ZNF664: variants seen among roughly 807,000 people sequenced by gnomAD.
The protein encoded by ZNF664 is zinc finger protein 664, also known as zinc finger Organ of Corti 1.
ZNF664 carries 10 observed loss-of-function variants against 18.2 expected under a neutral mutation model. The observed-to-expected ratio is 0.55, with a 90% confidence interval of 0.34 to 0.93. The LOEUF is 0.93. Ranked by LOEUF, ZNF664 falls within the 40% of genes least tolerant of loss-of-function variation. The pLI is 0.02. For synonymous variants in ZNF664, 119 were observed against 104.2 expected, an observed-to-expected ratio of 1.14 and a Z score of -0.86; for missense variants, 193 against 319.0, an observed-to-expected ratio of 0.61 and a Z score of 3.01.
chr12:123,992,598 A>G (rs550885435), intron 3 of ZNF664, among the ~76,000 whole-genome samples: 2 of 152,202 alleles, frequency 1.3e-5, no homozygotes, highest in Non-Finnish European at 2.9e-5. Flanking sequence ...GCTGGCTGCT[A>G]CTTGAGCCAC....
At chr12:123,975,516 C>G (rs924605370) in intron 2 of ZNF664, among the ~76,000 whole-genome samples, 1 of 151,924 alleles carries the variant, frequency 6.6e-6, no homozygotes, top group Non-Finnish European at 1.5e-5. Flanking sequence ...CCTGGGACTC[C>G]TGGGCTCAAG....
At position 124,012,970 on chromosome 12, in the gene ZNF664, T is replaced by C; in HGVS notation, c.*40T>C. 1 of 1,591,822 alleles carries C rather than the reference T, an allele frequency of 6.3e-7. No individual in the cohort carries two copies. On this transcript the variant is annotated 3_prime_UTR_variant, in exon 5 of 5. Transcript: ENST00000337815. ...AGTTTAAAATCTTAAAACCCATAAG[T>C]GCCACTAGGAAGGAAACCCTGTATA...
chr12:124,011,231 T>C (rs561485427), intron 3 of ZNF664, 150 bp from the exon 4 acceptor site: 8 of 933,198 alleles, frequency 8.6e-6, no homozygotes, highest in Non-Finnish European at 1.0e-5. Flanking sequence ...CTGGTTTTCA[T>C]ACTCACATGT....
intron 3 of ZNF664, 101 bp downstream of exon 3, chr12:123,988,239 T>A: frequency 1.8e-6 from 2 of 1,124,054 alleles, no homozygotes; most frequent in Non-Finnish European, 2.2e-6. Context: ...GCATGTGCCC[T>A]TTGGGCTCAG....
chr12:124,003,350 C>T (rs1373268570), intron 3 of ZNF664: 1 of 151,494 alleles, frequency 6.6e-6, no homozygotes, highest in Non-Finnish European at 1.5e-5. Flanking sequence ...TGCAGGTGGC[C>T]TAGTGGATTT....
chr12:123,973,442 G>A, intron 1 of ZNF664, 90 bp downstream of exon 1: 1 of 767,882 alleles, frequency 1.3e-6, no homozygotes, highest in Non-Finnish European at 1.6e-6. Flanking sequence ...GGGGTGGGAA[G>A]GAGGTGGAGT....
intron 2 of ZNF664, among the ~76,000 whole-genome samples, chr12:123,980,175 G>A (rs1956746988): frequency 6.6e-6 from 1 of 152,160 alleles, no homozygotes. Flanking sequence ...TAGAATACCT[G>A]AAAACATTTA....
chr12:123,993,343 A>G (rs1441976338), intron 3 of ZNF664, among the ~76,000 whole-genome samples: 2 of 152,190 alleles, frequency 1.3e-5, no homozygotes, highest in African/African-American at 4.8e-5. Flanking sequence ...AGAATCTTCA[A>G]TTTCAGAACT....
intron 1 of ZNF664, 27 bp from the exon 2 acceptor site, chr12:123,973,859 C>T (rs1956637982): frequency 2.4e-6 from 3 of 1,231,590 alleles, no homozygotes; most frequent in Admixed American, 4.2e-5. Context: ...GAGGAGCCGG[C>T]TGCATGGGGT....
Position 124,015,144 on chromosome 12 carries a change from A to G in ZNF664, c.*2214A>G, listed in dbSNP as rs1363198413. ...TGGTTTGATTTCTAGCTTTATTACT[A>G]TTAGGTATGTGAGCTTGGGCAAATC... On this transcript the variant is annotated 3_prime_UTR_variant, in exon 5 of 5. Coordinates refer to ENST00000337815, the MANE Select transcript of ZNF664 (RefSeq NM_152437.3). 1 of 167,096 alleles carries G rather than the reference A, an allele frequency of 6.0e-6. No homozygotes were observed. The allele number at this position is 167,096 out of a possible 1,614,324, so 10.4% of individuals were successfully genotyped here.
chr12:123,987,211 A>G (rs1956835664), intron 2 of ZNF664, among the ~76,000 whole-genome samples: 2 of 152,192 alleles, frequency 1.3e-5, no homozygotes, highest in African/African-American at 2.4e-5. Flanking sequence ...CAGATTGACA[A>G]CAGCTAGAAA....
chr12:123,995,550 T>TTGGAGAAGGAGAA (rs200561589), intron 3 of ZNF664, among the ~76,000 whole-genome samples: 1,942 of 152,302 alleles, frequency 0.013, 20 homozygotes, highest in Non-Finnish European at 0.021. Flanking sequence ...CACTCAGGCT[T>TTGGAGAAGGAGAA]TGGAGAAGGA....
intron 2 of ZNF664, among the ~76,000 whole-genome samples, chr12:123,987,662 T>TG: frequency 6.6e-6 from 1 of 152,200 alleles, no homozygotes; most frequent in South Asian, 2.1e-4. Flanking sequence ...GGAAAATCCG[T>TG]GAAAAAACAC....
chr12:123,982,731 G>A (rs758237066), intron 2 of ZNF664, among the ~76,000 whole-genome samples: 22 of 152,254 alleles, frequency 1.4e-4, no homozygotes, highest in Non-Finnish European at 2.6e-4. Context: ...GGACACTCAG[G>A]AGAGACGTCC....
chr12:123,983,465 C>T (rs1956790302), intron 2 of ZNF664, among the ~76,000 whole-genome samples: 1 of 152,150 alleles, frequency 6.6e-6, no homozygotes, highest in African/African-American at 2.4e-5. Context: ...TTTCATACCC[C>T]TGAAAGTTCA....
chr12:124,001,452 C>T (rs572829941), intron 3 of ZNF664, among the ~76,000 whole-genome samples: 4 of 152,328 alleles, frequency 2.6e-5, no homozygotes, highest in Admixed American at 6.5e-5. Flanking sequence ...TGGCACTGAG[C>T]GTCTCCAGCC....
At chr12:124,000,417 G>T (rs1411950383) in intron 3 of ZNF664, among the ~76,000 whole-genome samples, 2 of 152,102 alleles carry the variant, frequency 1.3e-5, no homozygotes, top group South Asian at 4.1e-4. Flanking sequence ...CATTCCTCTC[G>T]TGGAGCTTTG....
intron 3 of ZNF664, among the ~76,000 whole-genome samples, chr12:123,988,882 T>C (rs574064704): frequency 1.8e-4 from 28 of 152,356 alleles, no homozygotes; most frequent in Non-Finnish European, 3.5e-4. Flanking sequence ...GCATACAGTC[T>C]AGATCTCTGT....
At chr12:123,986,234 T>TG (rs1233492533) in intron 2 of ZNF664, among the ~76,000 whole-genome samples, 4 of 152,170 alleles carry the variant, frequency 2.6e-5, no homozygotes, top group Non-Finnish European at 5.9e-5. Context: ...GATTTTTTGT[T>TG]GCAAAGAACA....
Sources: allele counts gnomAD v4.1 joint callset (sites outside exome capture counted in the v4.1 genomes callset), GRCh38; gene constraint gnomAD v4.1.1; transcripts MANE v1.5; gene names NCBI Gene and HGNC (gene_info 2026-07-23, HGNC 2026-07-21).